The following TSHZ2 variants were observed in gnomAD, a reference collection of about 807,000 sequenced individuals.
TSHZ2 encodes teashirt homolog 2.
TSHZ2 carries 21 observed loss-of-function variants against 74.4 expected under a neutral mutation model. The observed-to-expected ratio is 0.28, with a 90% CI of 0.20 to 0.41. TSHZ2 has a LOEUF of 0.41. Ranked by LOEUF, TSHZ2 falls within the 10% of genes least tolerant of loss-of-function variation. The probability of loss-of-function intolerance (pLI) is 1.00; values close to 1 mark genes in which losing one functional copy is unlikely to be tolerated. For synonymous variants in TSHZ2, 540 were observed against 515.3 expected, an observed-to-expected ratio of 1.05 and a Z score of -0.65; for missense variants, 1,244 against 1,293.5, an observed-to-expected ratio of 0.96 and a Z score of 0.59.
At chr20:53,355,701 TTA>T (rs1980819308) in intron 2 of TSHZ2, among the ~76,000 whole-genome samples, 1 of 152,176 alleles carries the variant, frequency 6.6e-6, no homozygotes, top group Admixed American at 6.5e-5. Context: ...ACAACTGAAA[TTA>T]TACTAAGAAC....
rs567469735 is a variant in TSHZ2, at chr20:53,024,963, G to A, written c.40+51630G>A. Among the ~76,000 whole-genome samples, 6 of 152,192 alleles carry A rather than the reference G, an allele frequency of 3.9e-5. No homozygotes were observed. In the South Asian group the frequency reaches 1.2e-3, roughly 32 times the overall value. ...ATACTGCCACAATAGACATACGTGT[G>A]CATGTATCTTTATCTTGCAGGTAAA... is the stretch of plus-strand genomic sequence containing the variant. On this transcript the variant is annotated intron_variant, in intron 1 of 2. Coordinates refer to ENST00000371497, the MANE Select transcript of TSHZ2 (RefSeq NM_173485.6).
At chr20:53,335,497 A>G (rs1979909009) in intron 2 of TSHZ2, among the ~76,000 whole-genome samples, 1 of 152,214 alleles carries the variant, frequency 6.6e-6, no homozygotes, top group Non-Finnish European at 1.5e-5. Flanking sequence ...CCTCTGCCCC[A>G]GACTCCTGGA....
At chr20:53,116,099 G>T (rs1986658964) in intron 1 of TSHZ2, among the ~76,000 whole-genome samples, 1 of 152,172 alleles carries the variant, frequency 6.6e-6, no homozygotes, top group African/African-American at 2.4e-5. Flanking sequence ...CTGAGCTTCA[G>T]TTTTCTCATC....
chr20:53,067,753 G>A lies in TSHZ2; in HGVS notation c.40+94420G>A, dbSNP rs191938942. The stretch of plus-strand genomic sequence containing the variant: ...GCCTTTAAAACTCCTGCCTTCCCTG[G>A]CAGTTCTGCTGTGGTTCTCTGGGTG... On this transcript the variant is annotated intron_variant, in intron 1 of 2. Transcript: ENST00000371497. Among the ~76,000 whole-genome samples, 64 of 152,312 alleles carry A rather than the reference G, an allele frequency of 4.2e-4. No individual in the cohort carries two copies. In the East Asian group the frequency reaches 0.011, roughly 25 times the overall value.
chr20:53,189,994 G>C (rs1000133201), intron 1 of TSHZ2, among the ~76,000 whole-genome samples: 2 of 146,892 alleles, frequency 1.4e-5, no homozygotes, highest in African/African-American at 5.0e-5. Flanking sequence ...TGAGGTGGGA[G>C]GATCACCCGA....
chr20:53,028,684 C>T (rs1464885457), intron 1 of TSHZ2, among the ~76,000 whole-genome samples: 3 of 152,124 alleles, frequency 2.0e-5, no homozygotes, highest in Non-Finnish European at 4.4e-5. Context: ...CAGTGCCTGC[C>T]GGATTGTGAG....
intron 2 of TSHZ2, among the ~76,000 whole-genome samples, chr20:53,321,236 T>C (rs1392170883): frequency 1.3e-5 from 2 of 152,230 alleles, no homozygotes; most frequent in Non-Finnish European, 2.9e-5. Context: ...TGTCCATCTT[T>C]AGCAAAATTA....
chr20:53,223,756 T>C (rs1056367530), intron 1 of TSHZ2, among the ~76,000 whole-genome samples: 3 of 152,016 alleles, frequency 2.0e-5, no homozygotes, highest in African/African-American at 7.3e-5. Flanking sequence ...AAAGGATTGT[T>C]ACCTAAGGGA....
chr20:53,366,856 G>A (rs570565396), intron 2 of TSHZ2, among the ~76,000 whole-genome samples: 32 of 152,164 alleles, frequency 2.1e-4, no homozygotes, highest in Non-Finnish European at 1.8e-4. Flanking sequence ...GACTCTATGC[G>A]AGGCAATTTG....
intron 2 of TSHZ2, among the ~76,000 whole-genome samples, chr20:53,395,545 C>T (rs910504766): frequency 6.6e-6 from 1 of 152,240 alleles, no homozygotes; most frequent in African/African-American, 2.4e-5. Context: ...CAGAGGACCA[C>T]ACCATTTCCT....
intron 2 of TSHZ2, among the ~76,000 whole-genome samples, chr20:53,433,223 C>T (rs895315866): frequency 2.6e-5 from 4 of 152,076 alleles, no homozygotes; most frequent in Admixed American, 6.6e-5. Context: ...GGATTTTGTC[C>T]GGGCACTGTG....
At chr20:53,049,757 C>T (rs1351044472) in intron 1 of TSHZ2, among the ~76,000 whole-genome samples, 1 of 151,742 alleles carries the variant, frequency 6.6e-6, no homozygotes, top group Admixed American at 6.6e-5. Context: ...GCACAGTGCC[C>T]TAAGGGGAAA....
At chr20:53,048,337 TAAC>T (rs1984304279) in intron 1 of TSHZ2, among the ~76,000 whole-genome samples, 1 of 152,036 alleles carries the variant, frequency 6.6e-6, no homozygotes, top group Admixed American at 6.6e-5. Flanking sequence ...AGCAAAATAA[TAAC>T]TTCTTAGCCG....
At chr20:53,211,769 TCAGAGGGTACCTGTG>T (rs1432611911) in intron 1 of TSHZ2, among the ~76,000 whole-genome samples, 1 of 152,098 alleles carries the variant, frequency 6.6e-6, no homozygotes, top group Non-Finnish European at 1.5e-5. Context: ...CATCGTAGAC[TCAGAGGGTACCTGTG>T]CAGGTTTGTT....
chr20:53,252,327 G>A (rs987720026), intron 1 of TSHZ2, among the ~76,000 whole-genome samples: 7 of 152,172 alleles, frequency 4.6e-5, no homozygotes, highest in Non-Finnish European at 8.8e-5. Flanking sequence ...TTTTCCCCAC[G>A]TCGCTACCTG....
intron 1 of TSHZ2, among the ~76,000 whole-genome samples, chr20:52,973,580 C>G (rs1337171238): frequency 6.6e-6 from 1 of 152,192 alleles, no homozygotes; most frequent in East Asian, 1.9e-4. Flanking sequence ...TTTCCTCCAC[C>G]CTCTACCCCA....
intron 2 of TSHZ2, among the ~76,000 whole-genome samples, chr20:53,379,254 C>G (rs965610677): frequency 1.3e-5 from 2 of 152,132 alleles, no homozygotes; most frequent in African/African-American, 4.8e-5. Context: ...TGGTGTCACG[C>G]GCCTGTAGTC....
chr20:52,996,687 T>C (rs1345158045), intron 1 of TSHZ2, among the ~76,000 whole-genome samples: 1 of 152,226 alleles, frequency 6.6e-6, no homozygotes, highest in Non-Finnish European at 1.5e-5. Flanking sequence ...AAGCCTTTTC[T>C]CTTGTAGTTT....
intron 1 of TSHZ2, among the ~76,000 whole-genome samples, chr20:52,985,945 A>T (rs1303418226): frequency 6.6e-6 from 1 of 152,240 alleles, no homozygotes; most frequent in Non-Finnish European, 1.5e-5. Context: ...ATGTAGTGAA[A>T]GTAATGTCCC....
Sources: allele counts gnomAD v4.1 joint callset (sites outside exome capture counted in the v4.1 genomes callset), GRCh38; gene constraint gnomAD v4.1.1; transcripts MANE v1.5; gene names NCBI Gene and HGNC (gene_info 2026-07-23, HGNC 2026-07-21).